The following GRIK4 variants were observed in gnomAD, a reference collection of about 807,000 sequenced individuals.
GRIK4 encodes the protein glutamate ionotropic receptor kainate type subunit 4, also known as glutamate receptor ionotropic, kainate 4.
Under a neutral mutation model 104.9 loss-of-function variants are expected in GRIK4, and 40 were observed. The observed-to-expected ratio is 0.38, with a 90% CI of 0.30 to 0.50. The LOEUF (loss-of-function observed/expected upper bound fraction) is 0.50, where lower values mean the gene tolerates loss of function less well. Ranked by LOEUF, GRIK4 falls within the 20% of genes least tolerant of loss-of-function variation. The probability of loss-of-function intolerance (pLI) is 0.93; values close to 1 mark genes in which losing one functional copy is unlikely to be tolerated. For missense variants in GRIK4, 1,047 were observed against 1,308.1 expected (o/e 0.80, Z 3.08); for synonymous variants, 485 against 524.9 (o/e 0.92, Z 1.04).
chr11:120,545,211 T>C (rs928617494), intron 1 of GRIK4, among the ~76,000 whole-genome samples: 1 of 152,172 alleles, frequency 6.6e-6, no homozygotes, highest in African/African-American at 2.4e-5. Flanking sequence ...CACGTCCTTA[T>C]GTAGTCAAAC....
rs1425995339 is a variant in GRIK4 at position 120,704,636 on chromosome 11, A to G, written c.82+44236A>G. On this transcript the variant is annotated intron_variant, in intron 3 of 20. Transcript: ENST00000527524. Reference sequence around the variant, plus strand: ...CATTTTTGCTTGCTGTTGTGTCTAGAACAGGGCTGGGGCATGGTATGTGGT... The same window carrying G: ...CATTTTTGCTTGCTGTTGTGTCTAGGACAGGGCTGGGGCATGGTATGTGGT... 1.3e-5 allele frequency among the ~76,000 whole-genome samples: 2 copies of G among 152,208 alleles called. 1 individual carries two copies.
At chr11:120,630,802 G>C (rs146933402) in intron 1 of GRIK4, among the ~76,000 whole-genome samples, 324 of 152,358 alleles carry the variant, frequency 2.1e-3, no homozygotes, top group African/African-American at 7.1e-3. Flanking sequence ...CGCTAACCAG[G>C]GTTCTAGAGT....
chr11:120,529,088 GGAA>G (rs1261381139), intron 1 of GRIK4, among the ~76,000 whole-genome samples: 1 of 152,000 alleles, frequency 6.6e-6, no homozygotes, highest in Non-Finnish European at 1.5e-5. Context: ...TCCTCTTCCA[GGAA>G]GCCCTTTCCT....
At position 120,952,203 on chromosome 11, in the gene GRIK4, C is replaced by T. The variant is rs11605492; in HGVS notation, c.1591-652C>T. 3.1e-3 allele frequency among the ~76,000 whole-genome samples: 471 copies of T among 152,270 alleles called. 3 individuals are homozygous for T. Among genetic ancestry groups the T allele is most frequent in the African/African-American group, 0.011 (454 of 41,556 alleles). The stretch of plus-strand genomic sequence containing the variant: ...TTTCCCACGGTGCAGTGGAGTGAGC[C>T]CTGGGCTTTGAGTCAGGAAACATGG... On this transcript the variant is annotated intron_variant, in intron 14 of 20. Coordinates refer to ENST00000527524, the MANE Select transcript of GRIK4 (RefSeq NM_014619.5). This position sits in a 1 kb window ranked among gnomAD's most constrained non-coding sequence, Gnocchi z 5.2.
At chr11:120,543,754 G>A (rs1340172507) in intron 1 of GRIK4, among the ~76,000 whole-genome samples, 2 of 152,184 alleles carry the variant, frequency 1.3e-5, no homozygotes, top group African/African-American at 4.8e-5. Context: ...CCTCTTGGAA[G>A]AATGGAATCC....
In GRIK4 at chr11:120,940,226, C is replaced by A. The variant is rs1306612501; in HGVS notation, c.1477-121C>A. 9 of 637,392 alleles carry A rather than the reference C, an allele frequency of 1.4e-5. No individual in the cohort carries two copies. The East Asian group carries it at 2.4e-4, about 17-fold the overall frequency. 39.5% of individuals were successfully genotyped at this position (637,392 alleles called of 1,614,324 possible). ...TATGCAGTGTTGACTTAGAGCCACT[C>A]CTCAAGCAAGAAGCCAGACCAGCAT... is the stretch of plus-strand genomic sequence containing the variant. On this transcript the variant is annotated intron_variant, in intron 13 of 20. Coordinates refer to ENST00000527524, the MANE Select transcript of GRIK4 (RefSeq NM_014619.5). This position sits in a 1 kb window ranked among gnomAD's most constrained non-coding sequence, Gnocchi z 4.3.
Position 120,567,005 on chromosome 11 carries a change from CTTG to C in GRIK4, c.-159+55123_-159+55125del, listed in dbSNP as rs1416716256. Reference sequence around the variant, plus strand: ...TTTTTTTTTTTTTTTGAGACAAGGTCTTGTTGTGTTGGCCTAGCTGGAGTGTAG... The same window carrying C: ...TTTTTTTTTTTTTTTGAGACAAGGTCTTGTGTTGGCCTAGCTGGAGTGTAG... On this transcript the variant is annotated intron_variant, in intron 1 of 20. Transcript: ENST00000527524. Among the ~76,000 whole-genome samples, 4 of 101,110 alleles carry C rather than the reference CTTG, an allele frequency of 4.0e-5. No individual in the cohort carries two copies. In the South Asian group the frequency reaches 1.1e-3, roughly 27 times the overall value. 66.3% of individuals were successfully genotyped at this position (101,110 alleles called of 152,430 possible).
Position 120,982,243 on chromosome 11 carries a change from A to T in GRIK4, c.2514+19A>T, listed in dbSNP as rs776097940. ...AACTGAGGTAAACTTTCAAAGGGGT[A>T]TGATCGATCGTGTTGGCAGATGGGG... is the stretch of plus-strand genomic sequence containing the variant. On this transcript the variant is annotated intron_variant, in intron 20 of 20. Coordinates refer to ENST00000527524, the MANE Select transcript of GRIK4 (RefSeq NM_014619.5). 7.6e-7 allele frequency: 1 copy of T among 1,320,828 alleles called. No homozygotes were observed. Among genetic ancestry groups the T allele is most frequent in the Non-Finnish European group, 1.1e-6 (1 of 912,242 alleles). The allele number at this position is 1,320,828 out of a possible 1,614,324, so 81.8% of individuals were successfully genotyped here.
chr11:120,574,512 CT>C (rs1251192437), intron 1 of GRIK4, among the ~76,000 whole-genome samples: 1 of 152,204 alleles, frequency 6.6e-6, no homozygotes, highest in Non-Finnish European at 1.5e-5. Flanking sequence ...CTTCAGGCCT[CT>C]GTTTGAATGT....
intron 3 of GRIK4, among the ~76,000 whole-genome samples, chr11:120,730,803 G>A (rs1035944041): frequency 2.0e-5 from 3 of 151,920 alleles, no homozygotes; most frequent in Middle Eastern, 3.4e-3. Context: ...TTAATTCATA[G>A]GTATTTAACT....
intron 1 of GRIK4, among the ~76,000 whole-genome samples, chr11:120,533,565 G>A (rs1351034558): frequency 6.6e-6 from 1 of 152,190 alleles, no homozygotes; most frequent in Non-Finnish European, 1.5e-5. Context: ...ATTATGGAGG[G>A]TCTTATGTGT....
At chr11:120,573,784 G>T (rs558578354) in intron 1 of GRIK4, among the ~76,000 whole-genome samples, 2 of 152,226 alleles carry the variant, frequency 1.3e-5, no homozygotes, top group African/African-American at 4.8e-5. Context: ...CAGAGCTCCA[G>T]GATTTGGGGC....
chr11:120,729,204 A>G (rs1257786818), intron 3 of GRIK4, among the ~76,000 whole-genome samples: 4 of 152,236 alleles, frequency 2.6e-5, no homozygotes, highest in Non-Finnish European at 4.4e-5. Context: ...GCTATTGTGA[A>G]TAGAGTTGCA....
chr11:120,947,773 G>A (rs1433700097), intron 14 of GRIK4, among the ~76,000 whole-genome samples: 1 of 152,056 alleles, frequency 6.6e-6, no homozygotes, highest in Non-Finnish European at 1.5e-5. Flanking sequence ...GTGGATTAAG[G>A]TGCTCCATTC....
At chr11:120,713,187 T>C (rs374683441) in intron 3 of GRIK4, among the ~76,000 whole-genome samples, 7 of 152,212 alleles carry the variant, frequency 4.6e-5, no homozygotes, top group Admixed American at 1.3e-4. Flanking sequence ...CCAAGTCAAG[T>C]GTCCCCCTGT....
At chr11:120,918,560 T>C (rs1041498256) in intron 13 of GRIK4, among the ~76,000 whole-genome samples, 5 of 152,192 alleles carry the variant, frequency 3.3e-5, no homozygotes, top group Admixed American at 3.3e-4. Context: ...ACCAAACACG[T>C]GCTCTGGGAT....
At chr11:120,747,951 A>G (rs758127363) in intron 3 of GRIK4, among the ~76,000 whole-genome samples, 5 of 152,188 alleles carry the variant, frequency 3.3e-5, no homozygotes, top group Admixed American at 6.5e-5. Context: ...AAACTTGACT[A>G]TTTATAACCC....
At chr11:120,971,663 AG>A (rs1341095765) in intron 19 of GRIK4, among the ~76,000 whole-genome samples, 2 of 152,210 alleles carry the variant, frequency 1.3e-5, no homozygotes, top group African/African-American at 4.8e-5. Context: ...TAATGGTTGC[AG>A]TATGGGAGAG....
intron 3 of GRIK4, among the ~76,000 whole-genome samples, chr11:120,692,494 G>C (rs996514605): frequency 6.6e-6 from 1 of 152,164 alleles, no homozygotes; most frequent in African/African-American, 2.4e-5. Flanking sequence ...GATTTGCACT[G>C]TGGAGCCCGG....
Sources: allele counts gnomAD v4.1 joint callset (sites outside exome capture counted in the v4.1 genomes callset), GRCh38; gene constraint gnomAD v4.1.1; non-coding constraint Gnocchi (gnomAD v3.1); transcripts MANE v1.5; gene names NCBI Gene and HGNC (gene_info 2026-07-23, HGNC 2026-07-21).